The following DDAH1 variants were observed in gnomAD, a reference collection of about 807,000 sequenced individuals.
The protein encoded by DDAH1 is dimethylarginine dimethylaminohydrolase 1, also known as N(G),N(G)-dimethylarginine dimethylaminohydrolase 1.
A neutral mutation model predicts 28.8 loss-of-function variants in DDAH1; 19 were observed. The ratio of observed to expected loss-of-function variants is 0.66; its 90% CI spans 0.46 to 0.97. DDAH1 has a LOEUF of 0.97. DDAH1 is among the 50% of genes least tolerant of loss of function. The probability of loss-of-function intolerance (pLI) is 0.00; values close to 1 mark genes in which losing one functional copy is unlikely to be tolerated. For synonymous variants in DDAH1, 153 were observed against 154.4 expected, an observed-to-expected ratio of 0.99 and a Z score of 0.07; for missense variants, 326 against 375.9, an observed-to-expected ratio of 0.87 and a Z score of 1.10.
At chr1:85,458,025 A>C (rs1654973596) in intron 1 of DDAH1, among the ~76,000 whole-genome samples, 1 of 152,190 alleles carries the variant, frequency 6.6e-6, no homozygotes, top group Non-Finnish European at 1.5e-5. Flanking sequence ...GTTTACTTAC[A>C]CATATTCAAA....
chr1:85,485,242 T>G (rs1255754948), intron 2 of DDAH1, among the ~76,000 whole-genome samples: 1 of 152,170 alleles, frequency 6.6e-6, no homozygotes, highest in African/African-American at 2.4e-5. Flanking sequence ...ATAAGTCATA[T>G]GATAAACAAT....
intron 1 of DDAH1, among the ~76,000 whole-genome samples, chr1:85,540,453 C>T (rs1658438099): frequency 6.6e-6 from 1 of 152,124 alleles, no homozygotes; most frequent in South Asian, 2.1e-4. Context: ...ACCTCTTATT[C>T]CTCTGAACTA....
intron 5 of DDAH1, among the ~76,000 whole-genome samples, chr1:85,322,720 C>A (rs1661404015): frequency 6.6e-6 from 1 of 152,188 alleles, no homozygotes; most frequent in African/African-American, 2.4e-5. Context: ...AGATAATACA[C>A]CTGGGATGCC....
rs531799313 is a variant in DDAH1, at chr1:85,561,077, C to T, written c.-123+16907G>A. 7.9e-5 allele frequency among the ~76,000 whole-genome samples: 12 copies of T among 151,986 alleles called. No homozygotes were observed. The South Asian group carries it at 1.9e-3, about 24-fold the overall frequency. The stretch of plus-strand genomic sequence containing the variant: ...GTCATTCCATTTCAGGGAGTGTATC[C>T]TAGTGGTTTACATATAGACTTTAGT... On this transcript the variant is annotated intron_variant, in intron 1 of 6. Coordinates refer to the DDAH1 transcript ENST00000426972.
intron 4 of DDAH1, among the ~76,000 whole-genome samples, chr1:85,334,595 C>A (rs999983157): frequency 6.6e-6 from 1 of 152,010 alleles, no homozygotes; most frequent in Admixed American, 6.5e-5. Flanking sequence ...GTGGCATTTC[C>A]CCCTTCACTC....
At chr1:85,511,691 C>G (rs961997182) in intron 1 of DDAH1, among the ~76,000 whole-genome samples, 3 of 152,276 alleles carry the variant, frequency 2.0e-5, no homozygotes, top group Admixed American at 6.5e-5. Context: ...CACAGAAATA[C>G]AAACTACCAT....
At chr1:85,323,742 G>A (rs139680400) in intron 5 of DDAH1, among the ~76,000 whole-genome samples, 12 of 151,932 alleles carry the variant, frequency 7.9e-5, no homozygotes, top group African/African-American at 2.9e-4. Context: ...AGGCTGAAGT[G>A]GGAGGATCCT....
chr1:85,566,114 A>G (rs555970513), intron 1 of DDAH1, among the ~76,000 whole-genome samples: 2 of 152,038 alleles, frequency 1.3e-5, no homozygotes, highest in Admixed American at 6.5e-5. Context: ...CAAAAAACCA[A>G]CAACAAAGAG....
chr1:85,520,960 G>T (rs1287608593), intron 1 of DDAH1, among the ~76,000 whole-genome samples: 4 of 152,264 alleles, frequency 2.6e-5, no homozygotes, highest in African/African-American at 9.6e-5. Flanking sequence ...TGCTTTGAAA[G>T]AAAAATGGGA....
chr1:85,562,259 G>C (rs1315857524), intron 1 of DDAH1, among the ~76,000 whole-genome samples: 1 of 151,990 alleles, frequency 6.6e-6, no homozygotes, highest in Non-Finnish European at 1.5e-5. Context: ...TAGATATGAA[G>C]TTGATTTAGA....
intron 1 of DDAH1, among the ~76,000 whole-genome samples, chr1:85,556,281 C>T (rs1279212119): frequency 6.6e-6 from 1 of 152,174 alleles, no homozygotes; most frequent in Non-Finnish European, 1.5e-5. Flanking sequence ...TTGCCATGAC[C>T]TTTCATGACA....
rs141803160 is a variant in DDAH1, at chr1:85,344,914, G to C, written c.597+5501C>G. Among the ~76,000 whole-genome samples, 6 of 152,252 alleles carry C rather than the reference G, an allele frequency of 3.9e-5. No individual in the cohort carries two copies. In the East Asian group the frequency reaches 1.2e-3, roughly 29 times the overall value. The stretch of plus-strand genomic sequence containing the variant: ...CTGTGGAAAAGACAGTCATCATGTA[G>C]AATGGTAAAGCAGGGGGTTAGGAGT... On this transcript the variant is annotated intron_variant, in intron 4 of 5. Coordinates refer to ENST00000284031, the MANE Select transcript of DDAH1 (RefSeq NM_012137.4).
intron 1 of DDAH1, among the ~76,000 whole-genome samples, chr1:85,508,851 A>G (rs1657121768): frequency 6.6e-6 from 1 of 152,236 alleles, no homozygotes; most frequent in African/African-American, 2.4e-5. Flanking sequence ...CTGCAGCTCA[A>G]CAAGGCCTAC....
intron 1 of DDAH1, among the ~76,000 whole-genome samples, chr1:85,371,815 T>C (rs529438721): frequency 6.6e-6 from 1 of 152,336 alleles, no homozygotes; most frequent in African/African-American, 2.4e-5. Context: ...ATATCCTCAA[T>C]GATTGCTGCA....
At chr1:85,433,928 G>A (rs1653816628) in intron 1 of DDAH1, among the ~76,000 whole-genome samples, 1 of 151,816 alleles carries the variant, frequency 6.6e-6, no homozygotes, top group South Asian at 2.1e-4. Flanking sequence ...TAAATCTTCA[G>A]GTAATTATTT....
rs181796879 is a variant in DDAH1, at chr1:85,415,768, T to C, written c.303+48975A>G. On this transcript the variant is annotated intron_variant, in intron 1 of 5. Coordinates refer to ENST00000284031, the MANE Select transcript of DDAH1 (RefSeq NM_012137.4). ...CGAGTAGTTACCTCTGTGGGGAGGA[T>C]TGTGATTGAGGAGAGGTTCACAGAT... is the stretch of plus-strand genomic sequence containing the variant. Among the ~76,000 whole-genome samples the C allele has an allele frequency of 2.3e-3, 347 of 152,306 alleles. 2 individuals carry two copies. The highest frequency in any genetic ancestry group is 7.9e-3 in the African/African-American group (327 of 41,560).
At chr1:85,461,242 A>G (rs1238799949) in intron 1 of DDAH1, among the ~76,000 whole-genome samples, 4 of 152,252 alleles carry the variant, frequency 2.6e-5, no homozygotes, top group African/African-American at 9.6e-5. Flanking sequence ...TCAAAATCTA[A>G]AGATACAACA....
chr1:85,500,114 T>TTTTCTTTCTTTCTTTCTTTCTTTC (rs199804690), intron 1 of DDAH1, among the ~76,000 whole-genome samples: 22 of 129,892 alleles, frequency 1.7e-4, no homozygotes, highest in African/African-American at 5.2e-4. Flanking sequence ...CTTTCTTTTC[T>TTTTCTTTCTTTCTTTCTTTCTTTC]TTTCTTTCTT....
rs528991953 is a variant in DDAH1, at chr1:85,542,643, T to G, written c.-123+35341A>C. Among the ~76,000 whole-genome samples the G allele has an allele frequency of 2.0e-5, 3 of 152,324 alleles. No homozygotes were observed. The East Asian group carries it at 5.8e-4, about 29-fold the overall frequency. Reference sequence around the variant, plus strand: ...GACCCTTAACCTATGTATTGGTTTATAAAAAGCTACCCACAAACAGGGAGA... The same window carrying G: ...GACCCTTAACCTATGTATTGGTTTAGAAAAAGCTACCCACAAACAGGGAGA... On this transcript the variant is annotated intron_variant, in intron 1 of 6. Transcript: ENST00000426972.
Sources: gnomAD v4.1 joint callset for allele counts (sites outside exome capture counted in the v4.1 genomes callset) on GRCh38, gnomAD v4.1.1 for gene constraint, MANE v1.5 for transcripts, NCBI Gene and HGNC (gene_info 2026-07-23, HGNC 2026-07-21) for gene names.